The following UBE2G2 variants were observed in gnomAD, a reference collection of about 807,000 sequenced individuals.
UBE2G2 encodes ubiquitin conjugating enzyme E2 G2.
UBE2G2 carries 10 observed loss-of-function variants against 23.0 expected under a neutral mutation model. The ratio of observed to expected loss-of-function variants is 0.43; its 90% CI spans 0.27 to 0.74. The LOEUF is 0.74. Among genes scored for constraint, UBE2G2 ranks in the 30% least tolerant of loss-of-function variants. The pLI is 0.19. For missense variants in UBE2G2, 150 were observed against 218.3 expected, an observed-to-expected ratio of 0.69 and a Z score of 1.97; for synonymous variants, 86 against 81.3, an observed-to-expected ratio of 1.06 and a Z score of -0.31.
rs1452823215 is a variant in UBE2G2, at chr21:44,799,677, A to G, written c.43+2029T>C. On this transcript the variant is annotated intron_variant, in intron 1 of 5. Coordinates refer to ENST00000345496, the MANE Select transcript of UBE2G2 (RefSeq NM_003343.6). ...TATCCAAACCACTAAAACTTTCTCC[A>G]TATCAGCAGTAAGGCTTTTTCACTT... Among the ~76,000 whole-genome samples, 12 of 152,234 alleles carry G rather than the reference A, an allele frequency of 7.9e-5. No homozygotes were observed. In the East Asian group the frequency reaches 1.2e-3, roughly 15 times the overall value.
At chr21:44,784,950 G>A (rs1438312509) in intron 3 of UBE2G2, among the ~76,000 whole-genome samples, 2 of 152,176 alleles carry the variant, frequency 1.3e-5, no homozygotes, top group Non-Finnish European at 2.9e-5. Flanking sequence ...TCCGGCCACT[G>A]GGGATGAACA....
Position 44,801,809 on chromosome 21 carries a change from A to T in UBE2G2, c.-61T>A. ...AGCCGCGCGCGTGCCTCCTGCCCCG[A>T]CACCGGGGACTGCTTCCGGGCCACC... On this transcript the variant is annotated 5_prime_UTR_variant, in exon 1 of 6. Transcript: ENST00000345496. 1 of 1,486,238 alleles carries T rather than the reference A, an allele frequency of 6.7e-7. No individual in the cohort carries two copies. Among genetic ancestry groups the T allele is most frequent in the South Asian group, 1.3e-5 (1 of 78,362 alleles). The allele number at this position is 1,486,238 out of a possible 1,614,324, so 92.1% of individuals were successfully genotyped here.
At position 44,771,384 on chromosome 21, in the gene UBE2G2, C is replaced by T; in HGVS notation, c.491G>A (p.Gly164Glu). 6.2e-7 allele frequency: 1 copy of T among 1,612,706 alleles called. No homozygotes were observed. Among genetic ancestry groups the T allele is most frequent in the Non-Finnish European group, 8.5e-7 (1 of 1,180,000 alleles). ...CCTGTGCGAGGCCAGGTCTCACAGT[C>T]CCAGAGACTTCTGGACGATCTGCTT... ...IAKQIVQKSL[G>E]L The change falls in exon 6 of 6, where the codon GGA becomes GAA. Residue 164 changes from glycine (G) to glutamate (E), a missense_variant. Physicochemically the swap from Gly to Glu is moderately conservative, Grantham distance 98. Coordinates refer to ENST00000345496, the MANE Select transcript of UBE2G2 (RefSeq NM_003343.6). This position sits in a 1 kb window ranked among gnomAD's most constrained non-coding sequence, Gnocchi z 4.6.
In UBE2G2 at chr21:44,786,598, C is replaced by A. The variant is rs190942954; in HGVS notation, c.125+1322G>T. Among the ~76,000 whole-genome samples the A allele has an allele frequency of 9.6e-4, 146 of 152,246 alleles. 1 individual carries two copies. Among genetic ancestry groups the A allele is most frequent in the Admixed American group, 2.5e-3 (39 of 15,296 alleles). ...GCTGCAATCTGTTTCTCAGACCAACCCATAGAGCATTAAGAATTAATGTGA... is the reference window on the plus strand; with the variant it reads ...GCTGCAATCTGTTTCTCAGACCAACACATAGAGCATTAAGAATTAATGTGA... On this transcript the variant is annotated intron_variant, in intron 3 of 5. Coordinates refer to ENST00000345496, the MANE Select transcript of UBE2G2 (RefSeq NM_003343.6).
intron 1 of UBE2G2, among the ~76,000 whole-genome samples, chr21:44,788,490 C>A (rs1347989142): frequency 6.6e-6 from 1 of 151,922 alleles, no homozygotes; most frequent in Non-Finnish European, 1.5e-5. Flanking sequence ...GGGGTTTCAC[C>A]GTGTTAGCCA....
intron 1 of UBE2G2, among the ~76,000 whole-genome samples, chr21:44,793,148 G>GA (rs1419321612): frequency 2.0e-5 from 3 of 152,160 alleles, no homozygotes; most frequent in East Asian, 1.9e-4. Context: ...CTAATTATAA[G>GA]AAAAAAATAA....
At chr21:44,784,229 G>A (rs1244267917) in intron 3 of UBE2G2, among the ~76,000 whole-genome samples, 10 of 152,140 alleles carry the variant, frequency 6.6e-5, no homozygotes, top group African/African-American at 2.4e-4. Context: ...AGGGAGGAGA[G>A]GAGAGGAAGG....
chr21:44,790,811 G>A (rs372520331), intron 1 of UBE2G2, among the ~76,000 whole-genome samples: 4 of 152,316 alleles, frequency 2.6e-5, no homozygotes, highest in African/African-American at 9.6e-5. Flanking sequence ...GGTACCAGGG[G>A]TACTGCTATA....
intron 1 of UBE2G2, among the ~76,000 whole-genome samples, chr21:44,797,714 CAAAAAA>C (rs60369865): frequency 2.8e-4 from 11 of 39,296 alleles, no homozygotes; most frequent in Admixed American, 9.6e-4. Flanking sequence ...AACTCCGTCT[CAAAAAA>C]AAAAAAAAAA....
intron 1 of UBE2G2, chr21:44,801,387 A>G: frequency 8.6e-7 from 1 of 1,168,560 alleles, no homozygotes; most frequent in Non-Finnish European, 1.1e-6. Context: ...CTCTCACTGC[A>G]CGTTCTCAAG....
chr21:44,798,649 T>C (rs1252629232), intron 1 of UBE2G2, among the ~76,000 whole-genome samples: 2 of 152,244 alleles, frequency 1.3e-5, no homozygotes, highest in Non-Finnish European at 2.9e-5. Context: ...GATCATGAGA[T>C]TGTAGCAACT....
In UBE2G2 at chr21:44,788,287, G is replaced by GTTTTTTTTTT. The variant is rs71326069; in HGVS notation, c.44-202_44-193dup. On this transcript the variant is annotated intron_variant, in intron 1 of 5. Transcript: ENST00000345496. ...GATAACAACTACACAAAGTTTTTTT[G>GTTTTTTTTTT]TTTTTTTTTTGTTTTTTTTTGAGAC... Among the ~76,000 whole-genome samples, 35 of 135,608 alleles carry GTTTTTTTTTT rather than the reference G, an allele frequency of 2.6e-4. 3 individuals are homozygous for GTTTTTTTTTT. Among genetic ancestry groups the GTTTTTTTTTT allele is most frequent in the African/African-American group, 2.7e-4 (10 of 36,826 alleles). 89.0% of individuals were successfully genotyped at this position (135,608 alleles called of 152,430 possible).
At chr21:44,798,084 G>C (rs1295010959) in intron 1 of UBE2G2, among the ~76,000 whole-genome samples, 1 of 151,972 alleles carries the variant, frequency 6.6e-6, no homozygotes, top group African/African-American at 2.4e-5. Context: ...CTTGAGCCCA[G>C]GTCAAGGCTT....
chr21:44,788,286 T>TG (rs2083014025), intron 1 of UBE2G2, among the ~76,000 whole-genome samples, 191 bp from the exon 2 acceptor site: 1 of 125,566 alleles, frequency 8.0e-6, no homozygotes, highest in African/African-American at 2.8e-5. Context: ...AAAGTTTTTT[T>TG]GTTTTTTTTT....
chr21:44,774,600 A>G (rs2082899525), intron 4 of UBE2G2: 1 of 366,796 alleles, frequency 2.7e-6, no homozygotes, highest in Non-Finnish European at 5.5e-6. Flanking sequence ...ACCTGGTCCT[A>G]TGTGTTTCCA....
intron 4 of UBE2G2, 29 bp downstream of exon 4, chr21:44,777,270 C>G: frequency 6.3e-7 from 1 of 1,585,994 alleles, no homozygotes; most frequent in African/African-American, 1.3e-5. Flanking sequence ...TATCCTGGTA[C>G]CACAAAAACT....
rs1555960096 is a variant in UBE2G2 at position 44,772,801 on chromosome 21, A to C, written c.385+746T>G. Among the ~76,000 whole-genome samples, 1 of 152,092 alleles carries C rather than the reference A, an allele frequency of 6.6e-6. No homozygotes were observed. The highest frequency in any genetic ancestry group is 2.4e-5 in the African/African-American group (1 of 41,386). On this transcript the variant is annotated intron_variant, in intron 5 of 5. Transcript: ENST00000345496. The surrounding 1 kb of genome is among the most constrained non-coding windows in gnomAD (Gnocchi z 5.4). ...CACTCAGCCCTTCTCTTTTCTCTCC[A>C]GGCTACTGCAACACCACGATGTCTC...
chr21:44,787,866 TA>T lies in UBE2G2; in HGVS notation c.125+53del, dbSNP rs782180457. ...ACAGTCACACTGCTGATGTGATTCT[TA>T]CATCTGACTTCCAGCAAAGCCCTAA... On this transcript the variant is annotated intron_variant, in intron 3 of 5. Coordinates refer to ENST00000345496, the MANE Select transcript of UBE2G2 (RefSeq NM_003343.6). 6.9e-6 allele frequency: 11 copies of T among 1,590,054 alleles called. No individual in the cohort carries two copies. In the East Asian group the frequency reaches 2.0e-4, roughly 29 times the overall value.
At chr21:44,773,716 C>G (rs183891342) in intron 4 of UBE2G2, 29 bp from the exon 5 acceptor site, 2 of 1,605,562 alleles carry the variant, frequency 1.2e-6, no homozygotes, top group Non-Finnish European at 8.5e-7. Context: ...GCCAAGTGAG[C>G]CCAGGAATGG....
Sources: gnomAD v4.1 joint callset for allele counts (sites outside exome capture counted in the v4.1 genomes callset) on GRCh38, gnomAD v4.1.1 for gene constraint, Gnocchi (gnomAD v3.1) non-coding constraint, MANE v1.5 for transcripts, NCBI Gene and HGNC (gene_info 2026-07-23, HGNC 2026-07-21) for gene names.